MOB1B: variants seen among roughly 807,000 people sequenced by gnomAD.
MOB1B encodes the protein MOB1 Mps One Binder homolog B.
Under a neutral mutation model 24.4 loss-of-function variants are expected in MOB1B, and 19 were observed. The observed-to-expected ratio is 0.78, with a 90% CI of 0.54 to 1.14. The LOEUF (loss-of-function observed/expected upper bound fraction) is 1.14, where lower values mean the gene tolerates loss of function less well. Among genes scored for constraint, MOB1B ranks in the 50% most tolerant of loss-of-function variants. MOB1B has a pLI of 0.00. For synonymous variants in MOB1B, 76 were observed against 82.1 expected (o/e 0.93, Z 0.40); for missense variants, 243 against 259.6 (o/e 0.94, Z 0.44).
chr4:70,930,758 T>A (rs1736857688), intron 1 of MOB1B, among the ~76,000 whole-genome samples: 2 of 152,110 alleles, frequency 1.3e-5, no homozygotes, highest in Non-Finnish European at 2.9e-5. Flanking sequence ...GATTTTTGCA[T>A]TTAGTTTTGT....
At chr4:70,928,668 T>C (rs866203233) in intron 1 of MOB1B, among the ~76,000 whole-genome samples, 11 of 152,158 alleles carry the variant, frequency 7.2e-5, no homozygotes, top group African/African-American at 2.7e-4. Context: ...TGTTTTTCCA[T>C]TGTAAAGATT....
intron 5 of MOB1B, 84 bp downstream of exon 5, chr4:70,979,375 A>C: frequency 9.2e-7 from 1 of 1,090,558 alleles, no homozygotes; most frequent in Admixed American, 2.1e-5. Flanking sequence ...TCACACTGTC[A>C]GGATGGAATT....
chr4:70,925,399 A>G (rs1393914230), intron 1 of MOB1B, among the ~76,000 whole-genome samples: 1 of 152,144 alleles, frequency 6.6e-6, no homozygotes, highest in Non-Finnish European at 1.5e-5. Flanking sequence ...GTCTAGGGAT[A>G]ACTATACTTG....
chr4:70,948,516 C>T (rs903458139), intron 1 of MOB1B, among the ~76,000 whole-genome samples: 8 of 152,144 alleles, frequency 5.3e-5, no homozygotes, highest in African/African-American at 1.9e-4. Flanking sequence ...TTCAGCTTCT[C>T]CATCCTTCCC....
At chr4:70,909,809 T>G (rs1478933715) in intron 1 of MOB1B, among the ~76,000 whole-genome samples, 1 of 151,990 alleles carries the variant, frequency 6.6e-6, no homozygotes, top group Non-Finnish European at 1.5e-5. Flanking sequence ...TCACTGCAAC[T>G]TCCACCTCAT....
intron 2 of MOB1B, among the ~76,000 whole-genome samples, chr4:70,962,903 C>G (rs1287295915): frequency 2.0e-5 from 3 of 152,060 alleles, no homozygotes; most frequent in Non-Finnish European, 4.4e-5. Flanking sequence ...ACTTGGCAGG[C>G]TGAGGCATGA....
At chr4:70,907,657 C>A (rs995309337) in intron 1 of MOB1B, among the ~76,000 whole-genome samples, 1 of 152,012 alleles carries the variant, frequency 6.6e-6, no homozygotes, top group Non-Finnish European at 1.5e-5. Context: ...GGCAGAACCC[C>A]CATCTCTACC....
chr4:70,927,707 A>G (rs1736709306), intron 1 of MOB1B, among the ~76,000 whole-genome samples: 1 of 152,178 alleles, frequency 6.6e-6, no homozygotes, highest in Non-Finnish European at 1.5e-5. Context: ...CATTGCTGCC[A>G]CTGCTGTTCC....
chr4:70,986,459 T>A lies in MOB1B; in HGVS notation c.*4402T>A, dbSNP rs990021421. The stretch of plus-strand genomic sequence containing the variant: ...ACTTTTAATGTCTTTTTAAAAGATG[T>A]GGGACCAAAAATATATTTATAATTT... On this transcript the variant is annotated 3_prime_UTR_variant, in exon 6 of 6. Coordinates refer to ENST00000309395, the MANE Select transcript of MOB1B (RefSeq NM_173468.4). The A allele has an allele frequency of 6.6e-6, 1 of 152,090 alleles. No homozygotes were observed. The highest frequency in any genetic ancestry group is 2.4e-5 in the African/African-American group (1 of 41,448). 9.4% of individuals were successfully genotyped at this position (152,090 alleles called of 1,614,324 possible).
At chr4:70,963,636 A>G (rs1433036027) in intron 2 of MOB1B, among the ~76,000 whole-genome samples, 1 of 151,942 alleles carries the variant, frequency 6.6e-6, no homozygotes, top group African/African-American at 2.4e-5. Flanking sequence ...CGTGGACAAC[A>G]TGGCAAATCT....
At chr4:70,903,974 C>CTTTTTTTTTTTTTTTT (rs754257097) in intron 1 of MOB1B, among the ~76,000 whole-genome samples, 4 of 81,006 alleles carry the variant, frequency 4.9e-5, no homozygotes, top group South Asian at 5.4e-4. Flanking sequence ...TATTTTAGTT[C>CTTTTTTTTTTTTTTTT]TTTTTTTTTT....
chr4:70,909,906 C>G (rs1440628464), intron 1 of MOB1B, among the ~76,000 whole-genome samples: 3 of 152,036 alleles, frequency 2.0e-5, no homozygotes, highest in Admixed American at 2.0e-4. Flanking sequence ...TCCACCATGC[C>G]TGGCTAATTT....
intron 5 of MOB1B, 58 bp from the exon 6 acceptor site, chr4:70,981,922 A>AAT: frequency 9.1e-7 from 1 of 1,102,572 alleles, no homozygotes; most frequent in Non-Finnish European, 1.4e-6. Context: ...TTTACTTTGG[A>AAT]ATAAGATGCA....
At chr4:70,914,415 T>G (rs1174022649) in intron 1 of MOB1B, among the ~76,000 whole-genome samples, 1 of 152,192 alleles carries the variant, frequency 6.6e-6, no homozygotes, top group Non-Finnish European at 1.5e-5. Flanking sequence ...TATTTTTTTA[T>G]CTTACACTTT....
At chr4:70,943,824 A>G (rs1737452281) in intron 1 of MOB1B, among the ~76,000 whole-genome samples, 1 of 152,200 alleles carries the variant, frequency 6.6e-6, no homozygotes, top group Non-Finnish European at 1.5e-5. Flanking sequence ...TAAGCCTTCA[A>G]GTGGGTAGAG....
intron 1 of MOB1B, among the ~76,000 whole-genome samples, chr4:70,922,299 T>C (rs1368698258): frequency 6.6e-6 from 1 of 152,246 alleles, no homozygotes; most frequent in African/African-American, 2.4e-5. Context: ...AAAATAACTT[T>C]AAGATTTTAA....
intron 1 of MOB1B, among the ~76,000 whole-genome samples, chr4:70,912,811 A>G (rs1433343162): frequency 6.6e-6 from 1 of 152,164 alleles, no homozygotes; most frequent in Non-Finnish European, 1.5e-5. Flanking sequence ...CCGAGGCTGC[A>G]GTGCAGTGGC....
chr4:70,950,315 A>T (rs1737749586), intron 1 of MOB1B, among the ~76,000 whole-genome samples: 1 of 151,350 alleles, frequency 6.6e-6, no homozygotes, highest in South Asian at 2.1e-4. Context: ...GGGTGCCTGT[A>T]GTCCCAGCTA....
chr4:70,906,603 A>G (rs1735759578), intron 1 of MOB1B, among the ~76,000 whole-genome samples: 1 of 152,154 alleles, frequency 6.6e-6, no homozygotes, highest in South Asian at 2.1e-4. Context: ...GATTAGGATA[A>G]TCCCCAGAGT....
Sources: gnomAD v4.1 joint callset for allele counts (sites outside exome capture counted in the v4.1 genomes callset) on GRCh38, gnomAD v4.1.1 for gene constraint, MANE v1.5 for transcripts, NCBI Gene and HGNC (gene_info 2026-07-23, HGNC 2026-07-21) for gene names.